The following VAT1L variants were observed in gnomAD, a reference collection of about 807,000 sequenced individuals.
VAT1L encodes the protein vesicle amine transport 1 like, also known as putative NADPH-dependent quinone oxidoreductase VAT1L.
In VAT1L, 34 loss-of-function variants were observed where a neutral mutation model predicts 44.1. That is an observed-to-expected ratio of 0.77 (90% confidence interval 0.59 to 1.03). The LOEUF is 1.03. Ranked by LOEUF, VAT1L falls within the 50% of genes least tolerant of loss-of-function variation. The probability of loss-of-function intolerance (pLI) is 0.00; values close to 1 mark genes in which losing one functional copy is unlikely to be tolerated. For missense variants in VAT1L, 615 were observed against 538.8 expected (o/e 1.14, Z -1.40); for synonymous variants, 253 against 202.2 (o/e 1.25, Z -2.13).
Position 77,870,927 on chromosome 16 carries a change from G to A in VAT1L, c.723-5443G>A, listed in dbSNP as rs907274588. The stretch of plus-strand genomic sequence containing the variant: ...GGCTACTGCAGCGCTTTTCAGTGTG[G>A]GTGTAACTGAGGCAGGGTCAGTCCC... On this transcript the variant is annotated intron_variant, in intron 4 of 8. Transcript: ENST00000302536. Among the ~76,000 whole-genome samples, 47 of 152,208 alleles carry A rather than the reference G, an allele frequency of 3.1e-4. 1 individual carries two copies. The highest frequency in any genetic ancestry group is 1.1e-3 in the African/African-American group (44 of 41,524).
At chr16:77,977,108 G>C (rs1366147432) in intron 8 of VAT1L, among the ~76,000 whole-genome samples, 1 of 152,156 alleles carries the variant, frequency 6.6e-6, no homozygotes, top group Non-Finnish European at 1.5e-5. Context: ...GCTAACTCTT[G>C]TCACCAGAGC....
chr16:77,945,977 T>C (rs1009821105), intron 7 of VAT1L, among the ~76,000 whole-genome samples: 1 of 151,988 alleles, frequency 6.6e-6, no homozygotes. Context: ...AATTTTTGTA[T>C]TTGTAGCAGA....
intron 8 of VAT1L, among the ~76,000 whole-genome samples, chr16:77,974,187 T>A (rs1344836241): frequency 1.3e-5 from 2 of 152,204 alleles, no homozygotes; most frequent in African/African-American, 4.8e-5. Flanking sequence ...GTTCCAGGGC[T>A]GTTCAAAGCA....
intron 7 of VAT1L, among the ~76,000 whole-genome samples, chr16:77,935,603 C>A (rs2017785760): frequency 6.7e-6 from 1 of 149,246 alleles, no homozygotes; most frequent in African/African-American, 2.5e-5. Context: ...GTGAGAGGGA[C>A]AGAGACGGAG....
At chr16:77,943,442 C>T (rs1263235999) in intron 7 of VAT1L, among the ~76,000 whole-genome samples, 8 of 148,214 alleles carry the variant, frequency 5.4e-5, no homozygotes, top group East Asian at 2.0e-4. Flanking sequence ...TGTAGTTTCC[C>T]GGGCTGGAGT....
intron 7 of VAT1L, among the ~76,000 whole-genome samples, chr16:77,926,044 C>G (rs957093490): frequency 6.6e-6 from 1 of 151,626 alleles, no homozygotes; most frequent in South Asian, 2.1e-4. Flanking sequence ...GGGTGGGTCA[C>G]GAGGTCAGGA....
At chr16:77,813,145 A>T (rs942815363) in intron 1 of VAT1L, among the ~76,000 whole-genome samples, 5 of 152,026 alleles carry the variant, frequency 3.3e-5, no homozygotes. Flanking sequence ...GGGCATTGAC[A>T]TGCCCCTGTT....
At chr16:77,825,214 C>T in intron 2 of VAT1L, 32 bp from the exon 3 acceptor site, 5 of 1,609,278 alleles carry the variant, frequency 3.1e-6, no homozygotes, top group Non-Finnish European at 4.3e-6. Flanking sequence ...CATGAGGTAG[C>T]CTCCACTAAC....
intron 7 of VAT1L, among the ~76,000 whole-genome samples, chr16:77,934,136 A>G (rs1313242257): frequency 6.6e-6 from 1 of 152,188 alleles, no homozygotes; most frequent in Non-Finnish European, 1.5e-5. Context: ...GACTGTTCAA[A>G]AGAGAAGGTG....
intron 1 of VAT1L, among the ~76,000 whole-genome samples, chr16:77,805,260 C>T (rs569866055): frequency 6.6e-6 from 1 of 152,146 alleles, no homozygotes; most frequent in Non-Finnish European, 1.5e-5. Flanking sequence ...TCTTTCCTAG[C>T]AAATTTGTGT....
intron 7 of VAT1L, among the ~76,000 whole-genome samples, chr16:77,898,373 G>A (rs981832213): frequency 1.4e-4 from 21 of 152,242 alleles, no homozygotes; most frequent in African/African-American, 5.1e-4. Context: ...AGTCACATAC[G>A]ATCAAAAACG....
intron 7 of VAT1L, among the ~76,000 whole-genome samples, chr16:77,921,215 C>G (rs1374809497): frequency 6.6e-6 from 1 of 152,164 alleles, no homozygotes; most frequent in African/African-American, 2.4e-5. Flanking sequence ...GTCTTTCTTT[C>G]CAGCTGGAAT....
intron 8 of VAT1L, among the ~76,000 whole-genome samples, chr16:77,975,458 C>T (rs531947251): frequency 2.0e-5 from 3 of 151,958 alleles, no homozygotes; most frequent in Non-Finnish European, 4.4e-5. Context: ...GTGATCTGCC[C>T]GCCTTGGCCT....
intron 7 of VAT1L, among the ~76,000 whole-genome samples, chr16:77,962,733 A>AAGGT (rs2018175050): frequency 7.0e-6 from 1 of 143,262 alleles, no homozygotes; most frequent in African/African-American, 2.7e-5. Flanking sequence ...AGAAGGAAAG[A>AAGGT]AGGAAAGAAG....
rs534058138 is a variant in VAT1L, at chr16:77,902,469, A to G, written c.1077+17667A>G. Among the ~76,000 whole-genome samples, 4 of 152,244 alleles carry G rather than the reference A, an allele frequency of 2.6e-5. No homozygotes were observed. The South Asian group carries it at 8.3e-4, about 32-fold the overall frequency. On this transcript the variant is annotated intron_variant, in intron 7 of 8. Coordinates refer to ENST00000302536, the MANE Select transcript of VAT1L (RefSeq NM_020927.3). ...CCAATAAATGCTTTAAAATAGAATT[A>G]AAATCAAAACCAATTTAAATGCTTT...
intron 7 of VAT1L, among the ~76,000 whole-genome samples, chr16:77,895,202 C>T (rs663119): frequency 0.9 from 136,345 of 151,668 alleles, 61,783 homozygotes; most frequent in Non-Finnish European, 0.95. Flanking sequence ...CTATCACGCC[C>T]CCAGGCCCTG....
intron 7 of VAT1L, among the ~76,000 whole-genome samples, chr16:77,907,909 T>C (rs2017454751): frequency 1.3e-5 from 2 of 152,092 alleles, no homozygotes; most frequent in Non-Finnish European, 2.9e-5. Flanking sequence ...AGAGTAGCAG[T>C]GAAAGATTGA....
intron 7 of VAT1L, among the ~76,000 whole-genome samples, chr16:77,908,132 G>A (rs932403839): frequency 6.6e-6 from 1 of 151,918 alleles, no homozygotes; most frequent in African/African-American, 2.4e-5. Context: ...CCAGCTACTC[G>A]GGAGGGTGAG....
At chr16:77,800,857 C>G (rs2145213353) in intron 1 of VAT1L, 1 of 152,268 alleles carries the variant, frequency 6.6e-6, no homozygotes, top group East Asian at 1.9e-4. Flanking sequence ...GAGACAGAGT[C>G]TCACTCTGTT....
Sources: gnomAD v4.1 joint callset for allele counts (sites outside exome capture counted in the v4.1 genomes callset) on GRCh38, gnomAD v4.1.1 for gene constraint, MANE v1.5 for transcripts, NCBI Gene and HGNC (gene_info 2026-07-23, HGNC 2026-07-21) for gene names.